The following GLDN variants were observed in gnomAD, a reference collection of about 807,000 sequenced individuals.
GLDN encodes collomin.
GLDN carries 47 observed loss-of-function variants against 56.5 expected under a neutral mutation model. That is an observed-to-expected ratio of 0.83 (90% CI 0.66 to 1.06). GLDN has a LOEUF of 1.06. GLDN is among the 50% of genes least tolerant of loss of function. The pLI is 0.00. For synonymous variants in GLDN, 332 were observed against 278.8 expected (o/e 1.19, Z -1.90); for missense variants, 782 against 714.3 (o/e 1.09, Z -1.08).
At chr15:51,383,913 A>G (rs1204134063) in intron 4 of GLDN, 21 bp downstream of exon 4, 3 of 1,503,112 alleles carry the variant, frequency 2.0e-6, no homozygotes, top group African/African-American at 1.4e-5. Flanking sequence ...CAACTCTTCT[A>G]ATTAATTTCC....
rs1208871346 is a variant in GLDN at position 51,383,855 on chromosome 15, A to C, written c.504A>C (p.Lys168Asn). The C allele has an allele frequency of 1.2e-6, 2 of 1,612,770 alleles. No individual in the cohort carries two copies. The highest frequency in any genetic ancestry group is 1.7e-6 in the Non-Finnish European group (2 of 1,179,634). Residue 168 changes from lysine to asparagine, a missense_variant, in exon 4 of 10, where the codon AAA becomes AAC. Physicochemically the swap from Lys to Asn is moderately conservative, Grantham distance 94. Transcript: ENST00000335449. The stretch of plus-strand genomic sequence containing the variant: ...GACAGCCTGGTCCTCAGGGCCCAAA[A>C]GGAGAAAAAGGAGCAAATGGAAAAA... ...LDGQPGPQGP[K>N]GEKGANGKRG... is the part of the protein sequence containing the mutation.
At position 51,405,908 on chromosome 15, in the gene GLDN, CA is replaced by C. The variant is rs764629240; in HGVS notation, c.*1155del. The stretch of plus-strand genomic sequence containing the variant: ...TTGCTCTGCAACAGCAGAGTCGAGT[CA>C]TTGCAACAAAGAGCATATGGCCCCA... On this transcript the variant is annotated 3_prime_UTR_variant, in exon 10 of 10. Coordinates refer to ENST00000335449, the MANE Select transcript of GLDN (RefSeq NM_181789.4). 6.6e-6 allele frequency: 1 copy of C among 152,188 alleles called. No individual in the cohort carries two copies. Among genetic ancestry groups the C allele is most frequent in the Non-Finnish European group, 1.5e-5 (1 of 68,020 alleles). The allele number at this position is 152,188 out of a possible 1,614,324, so 9.4% of individuals were successfully genotyped here.
In GLDN at chr15:51,404,541, C is replaced by A. The variant is rs1413972645; in HGVS notation, c.1443C>A (p.Ile481=). The change falls in exon 10 of 10, where the codon ATC becomes ATA. Residue 481 remains isoleucine (I), a synonymous_variant. Transcript: ENST00000335449. The part of the protein sequence containing the change: ...KAGNAFIARG[I]LYVTDTKDMR... ...GCAACGCCTTCATTGCCCGAGGAAT[C>A]CTCTATGTCACAGACACCAAAGATA... is the stretch of plus-strand genomic sequence containing the variant. 6.2e-7 allele frequency: 1 copy of A among 1,614,172 alleles called. No homozygotes were observed. The highest frequency in any genetic ancestry group is 8.5e-7 in the Non-Finnish European group (1 of 1,180,036).
intron 9 of GLDN, among the ~76,000 whole-genome samples, chr15:51,403,625 A>G (rs901332009): frequency 6.6e-6 from 1 of 152,208 alleles, no homozygotes; most frequent in African/African-American, 2.4e-5. Context: ...CCATAGTTTA[A>G]TGTATCCAGC....
chr15:51,344,594 C>T lies in GLDN; in HGVS notation c.363+2547C>T, dbSNP rs370955733. Among the ~76,000 whole-genome samples, 51 of 152,166 alleles carry T rather than the reference C, an allele frequency of 3.4e-4. 2 individuals carry two copies. The East Asian group carries it at 7.3e-3, about 22-fold the overall frequency. On this transcript the variant is annotated intron_variant, in intron 1 of 9. Transcript: ENST00000335449. ...TCTTATAGGTGAAGGCTACACCTTC[C>T]CTGGCCCTTTTATACACCACCAGAT...
At chr15:51,364,233 T>C (rs1446374052) in intron 1 of GLDN, among the ~76,000 whole-genome samples, 1 of 152,228 alleles carries the variant, frequency 6.6e-6, no homozygotes, top group Non-Finnish European at 1.5e-5. Flanking sequence ...AGTTGTCTCA[T>C]AGCTCACGAA....
In GLDN at chr15:51,401,629, T is replaced by C; in HGVS notation, c.1064T>C (p.Leu355Pro). 1 of 1,614,182 alleles carries C rather than the reference T, an allele frequency of 6.2e-7. No homozygotes were observed. The highest frequency in any genetic ancestry group is 1.6e-4 in the Middle Eastern group (1 of 6,062). The change falls in exon 9 of 10, where the codon CTT becomes CCT. Residue 355 changes from leucine (L) to proline (P), a missense_variant. Leu to Pro is a moderately conservative substitution (Grantham distance 98). Coordinates refer to ENST00000335449, the MANE Select transcript of GLDN (RefSeq NM_181789.4). ...MVKEFKDQPS[L>P]LNGSYTFIHL... ...AAGGAATTCAAGGATCAGCCCTCAC[T>C]TCTGAATGGCAGTTACACGTTCATC...
In GLDN at chr15:51,382,321, C is replaced by A. The variant is rs117873448; in HGVS notation, c.416-1115C>A. Among the ~76,000 whole-genome samples the A allele has an allele frequency of 5.4e-3, 815 of 152,156 alleles. 4 individuals are homozygous for A. The highest frequency in any genetic ancestry group is 9.9e-3 in the Non-Finnish European group (675 of 68,008). ...GGTTTCAAAGAGTCCATCTTTCCCACGTAGACTGTGAACACAACAGGATAC... is the reference window on the plus strand; with the variant it reads ...GGTTTCAAAGAGTCCATCTTTCCCAAGTAGACTGTGAACACAACAGGATAC... On this transcript the variant is annotated intron_variant, in intron 2 of 9. Transcript: ENST00000335449.
intron 1 of GLDN, among the ~76,000 whole-genome samples, chr15:51,363,639 C>T (rs1217980354): frequency 2.0e-5 from 3 of 152,160 alleles, no homozygotes; most frequent in African/African-American, 2.4e-5. Context: ...ACTTACGACA[C>T]AAGCAATAGA....
intron 1 of GLDN, among the ~76,000 whole-genome samples, chr15:51,354,348 C>A (rs1390653371): frequency 6.6e-6 from 1 of 152,118 alleles, no homozygotes; most frequent in Non-Finnish European, 1.5e-5. Context: ...AGTCTGGTAT[C>A]CTTTTTACTG....
At chr15:51,344,915 T>C (rs185146283) in intron 1 of GLDN, among the ~76,000 whole-genome samples, 1 of 152,346 alleles carries the variant, frequency 6.6e-6, no homozygotes, top group African/African-American at 2.4e-5. Flanking sequence ...TTAAGTACAG[T>C]TAATTTGACA....
chr15:51,383,986 G>A (rs2037832117), intron 4 of GLDN, 94 bp downstream of exon 4: 3 of 945,852 alleles, frequency 3.2e-6, no homozygotes, highest in Non-Finnish European at 3.4e-6. Context: ...GGGGTAAGGT[G>A]TTTCATCTCT....
At chr15:51,356,776 C>G (rs1197870928) in intron 1 of GLDN, among the ~76,000 whole-genome samples, 1 of 152,154 alleles carries the variant, frequency 6.6e-6, no homozygotes, top group Non-Finnish European at 1.5e-5. Flanking sequence ...GTTCAATAAT[C>G]TATGTAAAGT....
intron 1 of GLDN, among the ~76,000 whole-genome samples, chr15:51,367,708 T>C (rs2037434357): frequency 6.6e-6 from 1 of 152,178 alleles, no homozygotes; most frequent in Admixed American, 6.5e-5. Flanking sequence ...ATACTATGGT[T>C]TCCCCATTGC....
chr15:51,393,442 G>A (rs574236182), intron 4 of GLDN, among the ~76,000 whole-genome samples: 2 of 152,290 alleles, frequency 1.3e-5, no homozygotes, highest in Non-Finnish European at 1.5e-5. Context: ...CATGGTGGCC[G>A]TGGGAATGAG....
chr15:51,408,120 ACTCAATTTGCTAGCTC>A (rs1469326013), downstream of GLDN: 3 of 152,194 alleles, frequency 2.0e-5, no homozygotes, highest in African/African-American at 7.2e-5. Context: ...CTCTGTGGAA[ACTCAATTTGCTAGCTC>A]CTTCTGAATA....
rs371074404 is a variant in GLDN at position 51,368,399 on chromosome 15, T to C, written c.364-9050T>C. On this transcript the variant is annotated intron_variant, in intron 1 of 9. Coordinates refer to ENST00000335449, the MANE Select transcript of GLDN (RefSeq NM_181789.4). ...TTTGGAAGGCTGAGAAAGATTCTGC[T>C]GGACTCTGCAGATCCCTGGCAGGAT... 2.3e-4 allele frequency among the ~76,000 whole-genome samples: 35 copies of C among 152,114 alleles called. No homozygotes were observed. In the East Asian group the frequency reaches 4.4e-3, roughly 19 times the overall value.
In GLDN at chr15:51,401,703, T is replaced by C. The variant is rs1349576375; in HGVS notation, c.1138T>C (p.Ser380Pro). Residue 380 changes from serine (S) to proline (P), a missense_variant, in exon 9 of 10, where the codon TCT becomes CCT. Physicochemically the swap from Ser to Pro is moderately conservative, Grantham distance 74. Transcript: ENST00000335449. ...HGCGHVVYNNSLYYHKGGSNT... is the reference protein window; with the variant it reads ...HGCGHVVYNNPLYYHKGGSNT... ...CTGTGGGCACGTTGTTTACAACAAC[T>C]CTCTCTACTACCACAAAGGGGGTTC... 1 of 1,614,152 alleles carries C rather than the reference T, an allele frequency of 6.2e-7. No homozygotes were observed. The highest frequency in any genetic ancestry group is 8.5e-7 in the Non-Finnish European group (1 of 1,179,978).
chr15:51,374,533 T>C (rs2037583740), intron 1 of GLDN, among the ~76,000 whole-genome samples: 1 of 152,124 alleles, frequency 6.6e-6, no homozygotes, highest in Admixed American at 6.5e-5. Flanking sequence ...TGATTTTGAG[T>C]AAATGATGGC....
Sources: allele counts gnomAD v4.1 joint callset (sites outside exome capture counted in the v4.1 genomes callset), GRCh38; gene constraint gnomAD v4.1.1; transcripts MANE v1.5; gene names NCBI Gene and HGNC (gene_info 2026-07-23, HGNC 2026-07-21).